Variants in WDR59 observed in about 807,000 individuals in gnomAD.
WDR59 encodes GATOR2 complex protein WDR59.
A neutral mutation model predicts 131.2 loss-of-function variants in WDR59; 100 were observed. The observed-to-expected ratio is 0.76, with a 90% CI of 0.65 to 0.90. The LOEUF (loss-of-function observed/expected upper bound fraction) is 0.90. Among genes scored for constraint, WDR59 ranks in the 40% least tolerant of loss-of-function variants. The pLI, the probability that WDR59 is intolerant of heterozygous loss-of-function variation, is 0.00. For missense variants in WDR59, 1,203 were observed against 1,262.2 expected (o/e 0.95, Z 0.71); for synonymous variants, 601 against 466.2 (o/e 1.29, Z -3.72).
intron 2 of WDR59, among the ~76,000 whole-genome samples, chr16:74,965,061 T>A (rs906555891): frequency 6.6e-6 from 1 of 151,180 alleles, no homozygotes; most frequent in Non-Finnish European, 1.5e-5. Context: ...CAAAACTCCG[T>A]CTCAAAAAAA....
intron 10 of WDR59, among the ~76,000 whole-genome samples, chr16:74,921,361 C>T (rs1399969153): frequency 6.6e-6 from 1 of 152,186 alleles, no homozygotes; most frequent in Non-Finnish European, 1.5e-5. Context: ...CCAGGCAGTT[C>T]CAATTTACAC....
chr16:74,912,219 G>A lies in WDR59; in HGVS notation c.1368C>T (p.Thr456=), dbSNP rs751545887. 1.9e-6 allele frequency: 3 copies of A among 1,614,060 alleles called. No individual in the cohort carries two copies. Among genetic ancestry groups the A allele is most frequent in the African/African-American group, 2.7e-5 (2 of 74,924 alleles). The change falls in exon 14 of 26, where the codon ACC becomes ACT. Residue 456 remains threonine, a synonymous_variant. Transcript: ENST00000262144. ...QFINPTTITS[T]MKAKLLKILK... The stretch of plus-strand genomic sequence containing the variant: ...CCACCTTCAGCAGCTTAGCTTTCAT[G>A]GTGGATGTGATGGTTGTGGGGTTAA...
chr16:74,969,611 G>A (rs901069770), intron 1 of WDR59, among the ~76,000 whole-genome samples: 3 of 151,080 alleles, frequency 2.0e-5, no homozygotes, highest in Admixed American at 6.6e-5. Context: ...TTTCACTCTC[G>A]TTGCCCAGGC....
intron 25 of WDR59, among the ~76,000 whole-genome samples, chr16:74,879,071 G>A (rs1191578273): frequency 6.6e-6 from 1 of 152,182 alleles, no homozygotes; most frequent in Admixed American, 6.5e-5. Context: ...AGCTGACACT[G>A]ACCAGGAGCA....
intron 25 of WDR59, among the ~76,000 whole-genome samples, chr16:74,879,446 G>C (rs573419194): frequency 1.3e-5 from 2 of 152,306 alleles, no homozygotes; most frequent in East Asian, 1.9e-4. Flanking sequence ...AGGATTTCTA[G>C]GACTTTTTGG....
chr16:74,984,024 C>T lies in WDR59; in HGVS notation c.54+940G>A, dbSNP rs183026413. 2.2e-3 allele frequency among the ~76,000 whole-genome samples: 342 copies of T among 152,184 alleles called. 1 individual carries two copies. Among genetic ancestry groups the T allele is most frequent in the African/African-American group, 7.4e-3 (307 of 41,504 alleles). ...AGGCACGGTGGCCCACGCCTGTAAT[C>T]CCAGCACTTTGGGAGGCTGAGGTGG... On this transcript the variant is annotated intron_variant, in intron 1 of 25. Coordinates refer to ENST00000262144, the MANE Select transcript of WDR59 (RefSeq NM_030581.4).
intron 6 of WDR59, among the ~76,000 whole-genome samples, chr16:74,944,857 G>A (rs1391264225): frequency 1.2e-4 from 18 of 152,300 alleles, no homozygotes; most frequent in Admixed American, 1.1e-3. Context: ...CTTTCAGCTG[G>A]GCGCAGAGGC....
rs754673549 is a variant in WDR59 at position 74,942,808 on chromosome 16, T to G, written c.464A>C (p.Lys155Thr). 6.2e-7 allele frequency: 1 copy of G among 1,613,234 alleles called. No homozygotes were observed. The part of the protein sequence containing the change: ...LSAVAGASQV[K>T]WNKKNANCLA... Reference sequence around the variant, plus strand: ...GCAGTTAGCATTTTTTTTATTCCATTTGACCTGGGAGGCACCCGCTGCAAA... The same window carrying G: ...GCAGTTAGCATTTTTTTTATTCCATGTGACCTGGGAGGCACCCGCTGCAAA... The change falls in exon 7 of 26, where the codon AAA (lysine) becomes ACA (threonine). Residue 155 changes from lysine (K) to threonine (T), a missense_variant. By Grantham distance (78) the Lys-to-Thr change is moderately conservative. Transcript: ENST00000262144.
At chr16:74,902,961 T>A (rs958129705) in intron 18 of WDR59, among the ~76,000 whole-genome samples, 1 of 152,162 alleles carries the variant, frequency 6.6e-6, no homozygotes, top group Non-Finnish European at 1.5e-5. Context: ...TAAATGGTTT[T>A]GCTCAAGACT....
chr16:74,917,738 G>C (rs57916352), intron 11 of WDR59, among the ~76,000 whole-genome samples, 191 bp downstream of exon 11: 1,780 of 151,032 alleles, frequency 0.012, 29 homozygotes, highest in African/African-American at 0.041. Context: ...GAACCCGGGA[G>C]GCAGAGGTTG....
At chr16:74,984,874 C>T (rs2034561836) in intron 1 of WDR59, 90 bp downstream of exon 1, 1 of 1,542,548 alleles carries the variant, frequency 6.5e-7, no homozygotes. Flanking sequence ...TAGGGTCTCC[C>T]CGTAGCCCCC....
chr16:74,878,161 A>G lies in WDR59; in HGVS notation c.2690-3717T>C, dbSNP rs1964307477. 2.6e-5 allele frequency among the ~76,000 whole-genome samples: 4 copies of G among 152,190 alleles called. No individual in the cohort carries two copies. In the South Asian group the frequency reaches 8.3e-4, roughly 31 times the overall value. On this transcript the variant is annotated intron_variant, in intron 25 of 25. Transcript: ENST00000262144. ...TTAGCATTATTGTAAGAGCTCTCGT[A>G]TCTATTAAACCCACAATGTAAGAAA...
intron 2 of WDR59, among the ~76,000 whole-genome samples, chr16:74,958,876 AACATGGAGAAACC>A (rs2033435471): frequency 6.6e-6 from 1 of 151,880 alleles, no homozygotes; most frequent in Non-Finnish European, 1.5e-5. Context: ...TAGCCCGACC[AACATGGAGAAACC>A]CCTGACTAAT....
intron 18 of WDR59, among the ~76,000 whole-genome samples, chr16:74,901,862 T>C (rs1965569794): frequency 7.5e-6 from 1 of 133,818 alleles, no homozygotes; most frequent in African/African-American, 2.4e-5. Context: ...CACGCTTATG[T>C]AATTCCCCCC....
At chr16:74,971,997 C>T (rs2034002050) in intron 1 of WDR59, among the ~76,000 whole-genome samples, 1 of 152,296 alleles carries the variant, frequency 6.6e-6, no homozygotes, top group South Asian at 2.1e-4. Flanking sequence ...GCATGTGCCA[C>T]CATGCCCAGC....
At chr16:74,893,881 A>G (rs1176043440) in intron 18 of WDR59, 69 bp from the exon 19 acceptor site, 25 of 1,565,200 alleles carry the variant, frequency 1.6e-5, no homozygotes, top group Non-Finnish European at 3.5e-6. Flanking sequence ...TGCAGAGCTC[A>G]TCATATTGGG....
intron 14 of WDR59, among the ~76,000 whole-genome samples, chr16:74,910,188 G>C (rs549185669): frequency 6.6e-6 from 1 of 151,910 alleles, no homozygotes; most frequent in Non-Finnish European, 1.5e-5. Context: ...GGCTGGTCTC[G>C]AACTCCTGAC....
intron 16 of WDR59, 88 bp from the exon 17 acceptor site, chr16:74,909,065 T>A: frequency 9.0e-7 from 1 of 1,115,380 alleles, no homozygotes; most frequent in South Asian, 1.3e-5. Flanking sequence ...CTTTCTTCTA[T>A]CTCTGTACAC....
At chr16:74,935,166 G>T (rs2031698704) in intron 8 of WDR59, among the ~76,000 whole-genome samples, 1 of 151,942 alleles carries the variant, frequency 6.6e-6, no homozygotes, top group South Asian at 2.1e-4. Flanking sequence ...GGAGGCAGAG[G>T]CTGCAGCGAG....
Sources: gnomAD v4.1 joint callset for allele counts (sites outside exome capture counted in the v4.1 genomes callset) on GRCh38, gnomAD v4.1.1 for gene constraint, MANE v1.5 for transcripts, NCBI Gene and HGNC (gene_info 2026-07-23, HGNC 2026-07-21) for gene names.